Variants in BMPER observed in about 807,000 individuals in gnomAD.
BMPER encodes BMP binding endothelial regulator.
A neutral mutation model predicts 87.3 loss-of-function variants in BMPER; 45 were observed. That is an observed-to-expected ratio of 0.52 (90% CI 0.41 to 0.66). BMPER has a LOEUF of 0.66. Among genes scored for constraint, BMPER ranks in the 30% least tolerant of loss-of-function variants. The pLI is 0.00. For synonymous variants in BMPER, 326 were observed against 316.2 expected (o/e 1.03, Z -0.33); for missense variants, 784 against 867.5 (o/e 0.90, Z 1.21).
chr7:33,946,279 T>C (rs890531643), intron 3 of BMPER, among the ~76,000 whole-genome samples: 10 of 152,072 alleles, frequency 6.6e-5, no homozygotes, highest in Admixed American at 3.9e-4. Flanking sequence ...GTCCCTCCCA[T>C]GACATGTGAG....
At chr7:34,063,379 ATGTGTGTG>A (rs10537332) in intron 11 of BMPER, among the ~76,000 whole-genome samples, 11 of 149,050 alleles carry the variant, frequency 7.4e-5, no homozygotes, top group Non-Finnish European at 9.0e-5. Flanking sequence ...GGGTCACTAT[ATGTGTGTG>A]TGTGTGTGTG....
intron 5 of BMPER, among the ~76,000 whole-genome samples, chr7:33,974,171 C>T (rs1006714065): frequency 1.3e-5 from 2 of 152,132 alleles, no homozygotes; most frequent in South Asian, 2.1e-4. Flanking sequence ...CTCTGAGCCA[C>T]GTTTTCCTTA....
chr7:34,103,960 C>T (rs1284020634), intron 13 of BMPER, among the ~76,000 whole-genome samples: 1 of 152,210 alleles, frequency 6.6e-6, no homozygotes, highest in Non-Finnish European at 1.5e-5. Context: ...CTGAGCATGG[C>T]CTTCAATGCC....
chr7:34,061,349 G>A (rs1351386901), intron 10 of BMPER, among the ~76,000 whole-genome samples: 2 of 152,158 alleles, frequency 1.3e-5, no homozygotes, highest in Non-Finnish European at 2.9e-5. Flanking sequence ...GTTGTGCAAT[G>A]TAGGAAATTG....
At chr7:33,946,230 G>A (rs1784891426) in intron 3 of BMPER, among the ~76,000 whole-genome samples, 1 of 152,006 alleles carries the variant, frequency 6.6e-6, no homozygotes, top group Admixed American at 6.6e-5. Context: ...GAACAGCATG[G>A]GGGAAACTGC....
chr7:33,978,191 C>T (rs1486403904), intron 6 of BMPER, among the ~76,000 whole-genome samples: 4 of 152,190 alleles, frequency 2.6e-5, no homozygotes, highest in Non-Finnish European at 4.4e-5. Context: ...CCATCACTCC[C>T]GCCATGTAAG....
chr7:33,928,082 G>C (rs775875531), intron 2 of BMPER, among the ~76,000 whole-genome samples: 1 of 152,130 alleles, frequency 6.6e-6, no homozygotes, highest in African/African-American at 2.4e-5. Flanking sequence ...CTTCCCAGGA[G>C]TCTTTTGGAA....
intron 6 of BMPER, among the ~76,000 whole-genome samples, chr7:34,015,650 A>T (rs1787002339): frequency 6.6e-6 from 1 of 151,976 alleles, no homozygotes; most frequent in Non-Finnish European, 1.5e-5. Context: ...AGTTGAGCAC[A>T]TGAAAAACTT....
intron 6 of BMPER, among the ~76,000 whole-genome samples, chr7:34,031,645 C>G (rs751976948): frequency 1.0e-3 from 154 of 151,666 alleles, no homozygotes; most frequent in Non-Finnish European, 2.0e-3. Context: ...TGGCTAAACC[C>G]AAGGACAGTG....
At position 34,153,231 on chromosome 7, in the gene BMPER, C is replaced by T. The variant is rs1791229208; in HGVS notation, c.2016C>T (p.His672=). 6.2e-7 allele frequency: 1 copy of T among 1,613,912 alleles called. No individual in the cohort carries two copies. The highest frequency in any genetic ancestry group is 1.3e-5 in the African/African-American group (1 of 74,882). ...ACTGTCCAGCAAACTTGGTCCTTCA[C>T]AAGGGAAGGTGCATCAAGCCAGTCC... is the stretch of plus-strand genomic sequence containing the variant. ...GCHCPANLVL[H]KGRCIKPVLC... Residue 672 remains histidine, a synonymous_variant, in exon 15 of 15, where the codon CAC becomes CAT. Transcript: ENST00000649409.
rs567919039 is a variant in BMPER at position 33,933,950 on chromosome 7, A to G, written c.220-3339A>G. Among the ~76,000 whole-genome samples the G allele has an allele frequency of 5.3e-5, 8 of 152,362 alleles. No homozygotes were observed. The East Asian group carries it at 1.5e-3, about 29-fold the overall frequency. ...GGAATTTTTGGTGAAAAAAATGCAC[A>G]TAAGATTCTTAGCACAGAGCCTGAA... is the stretch of plus-strand genomic sequence containing the variant. On this transcript the variant is annotated intron_variant, in intron 2 of 14. Coordinates refer to ENST00000649409, the MANE Select transcript of BMPER (RefSeq NM_001365308.1).
intron 10 of BMPER, among the ~76,000 whole-genome samples, 164 bp from the exon 11 acceptor site, chr7:34,061,837 AT>A (rs1171773013): frequency 6.6e-6 from 1 of 151,960 alleles, no homozygotes; most frequent in African/African-American, 2.4e-5. Flanking sequence ...TTGAAACTTC[AT>A]TTTCACCATC....
chr7:33,930,502 A>G (rs1784457175), intron 2 of BMPER, among the ~76,000 whole-genome samples: 1 of 152,202 alleles, frequency 6.6e-6, no homozygotes, highest in Non-Finnish European at 1.5e-5. Context: ...GACTTTGTCC[A>G]AAGGAGACAG....
chr7:34,116,405 T>C (rs1790119765), intron 13 of BMPER, among the ~76,000 whole-genome samples: 1 of 152,182 alleles, frequency 6.6e-6, no homozygotes, highest in Non-Finnish European at 1.5e-5. Flanking sequence ...CTCATTCCCA[T>C]ATTTACAGAG....
chr7:34,107,749 C>T (rs1365380812), intron 13 of BMPER, among the ~76,000 whole-genome samples: 1 of 152,092 alleles, frequency 6.6e-6, no homozygotes, highest in African/African-American at 2.4e-5. Flanking sequence ...GGCTGTGTGA[C>T]ATATGAGGTT....
In BMPER at chr7:34,044,964, A is replaced by G. The variant is rs529072652; in HGVS notation, c.577-1342A>G. On this transcript the variant is annotated intron_variant, in intron 6 of 14. Transcript: ENST00000649409. The stretch of plus-strand genomic sequence containing the variant: ...CCTGGTGGCTGAGGCTAACTCTGCT[A>G]TGGCCAGAAAGGAGTGGGGAAGGTG... 3.9e-5 allele frequency among the ~76,000 whole-genome samples: 6 copies of G among 152,156 alleles called. No homozygotes were observed. In the South Asian group the frequency reaches 1.0e-3, roughly 26 times the overall value.
chr7:34,009,550 T>C (rs1001822265), intron 6 of BMPER, among the ~76,000 whole-genome samples: 2 of 151,924 alleles, frequency 1.3e-5, no homozygotes, highest in Admixed American at 1.3e-4. Flanking sequence ...ATATCATTAC[T>C]ACACATATAA....
Position 34,027,663 on chromosome 7 carries a change from A to G in BMPER, c.577-18643A>G, listed in dbSNP as rs944196441. Among the ~76,000 whole-genome samples, 16 of 152,108 alleles carry G rather than the reference A, an allele frequency of 1.1e-4. No homozygotes were observed. The East Asian group carries it at 3.1e-3, about 29-fold the overall frequency. On this transcript the variant is annotated intron_variant, in intron 6 of 14. Coordinates refer to ENST00000649409, the MANE Select transcript of BMPER (RefSeq NM_001365308.1). ...GACAAATTATGGTTATTAAGAATTG[A>G]GTACTTGGCAGACATTTTCTCAAAA...
At chr7:34,135,372 G>A (rs1790694475) in intron 13 of BMPER, among the ~76,000 whole-genome samples, 1 of 152,180 alleles carries the variant, frequency 6.6e-6, no homozygotes, top group African/African-American at 2.4e-5. Flanking sequence ...GAGTCCTTAT[G>A]AGCAGGGACA....
Sources: allele counts gnomAD v4.1 joint callset (sites outside exome capture counted in the v4.1 genomes callset), GRCh38; gene constraint gnomAD v4.1.1; transcripts MANE v1.5; gene names NCBI Gene and HGNC (gene_info 2026-07-23, HGNC 2026-07-21).